The following ZFHX4 variants were observed in gnomAD, a reference collection of about 807,000 sequenced individuals.
ZFHX4 encodes zinc finger homeobox protein 4.
In ZFHX4, 56 loss-of-function variants were observed where a neutral mutation model predicts 267.6. The ratio of observed to expected loss-of-function variants is 0.21; its 90% CI spans 0.17 to 0.26. The LOEUF is 0.26. Among genes scored for constraint, ZFHX4 ranks in the 10% least tolerant of loss-of-function variants. The pLI, the probability that ZFHX4 is intolerant of heterozygous loss-of-function variation, is 1.00. For synonymous variants in ZFHX4, 1,778 were observed against 1,665.6 expected, an observed-to-expected ratio of 1.07 and a Z score of -1.64; for missense variants, 4,332 against 4,420.0, an observed-to-expected ratio of 0.98 and a Z score of 0.56.
chr8:76,850,838 A>C (rs1349678593), intron 9 of ZFHX4, 48 bp from the exon 10 acceptor site: 27 of 1,442,302 alleles, frequency 1.9e-5, no homozygotes, highest in Non-Finnish European at 2.3e-5. Context: ...ATATTTAAGG[A>C]GTAGGTTTTC....
intron 4 of ZFHX4, among the ~76,000 whole-genome samples, chr8:76,785,846 T>C (rs1055558309): frequency 6.6e-6 from 1 of 152,178 alleles, no homozygotes; most frequent in African/African-American, 2.4e-5. Context: ...TTGGCTTGAA[T>C]GTTCTCTACT....
At chr8:76,713,693 C>T (rs577883768) in intron 3 of ZFHX4, among the ~76,000 whole-genome samples, 3 of 152,198 alleles carry the variant, frequency 2.0e-5, no homozygotes, top group East Asian at 3.9e-4. Flanking sequence ...GGGAATGAAG[C>T]CTTTTTATAA....
chr8:76,839,857 A>T (rs1440335891), intron 5 of ZFHX4, among the ~76,000 whole-genome samples: 1 of 152,166 alleles, frequency 6.6e-6, no homozygotes, highest in Non-Finnish European at 1.5e-5. Flanking sequence ...TCCTTCCCTT[A>T]ACCCGAGTTC....
chr8:76,816,872 A>G (rs1585975334), intron 4 of ZFHX4, among the ~76,000 whole-genome samples: 2 of 152,280 alleles, frequency 1.3e-5, no homozygotes, highest in Middle Eastern at 6.8e-3. Flanking sequence ...CTGGGATTAC[A>G]GGTGTGAGCC....
chr8:76,711,458 A>G (rs1415878380), intron 3 of ZFHX4, among the ~76,000 whole-genome samples: 5 of 152,198 alleles, frequency 3.3e-5, no homozygotes, highest in Non-Finnish European at 4.4e-5. Flanking sequence ...GCTACAATCA[A>G]TCTTGCAAAG....
rs751193402 is a variant in ZFHX4, at chr8:76,854,328, G to A, written c.7407G>A (p.Pro2469=). Residue 2469 remains proline (P), a synonymous_variant, in exon 10 of 11, where the codon CCG becomes CCA. Coordinates refer to ENST00000651372, the MANE Select transcript of ZFHX4 (RefSeq NM_024721.5). Reference sequence around the variant, plus strand: ...GACCTCCCTCGGCCTCTCAAACACCGGTCCCTTCCAGTCCACTGCAAATTT... The same window carrying A: ...GACCTCCCTCGGCCTCTCAAACACCAGTCCCTTCCAGTCCACTGCAAATTT... ...IGRPPSASQT[P]VPSSPLQISM... is the part of the protein sequence containing the mutation. 34 of 1,613,432 alleles carry A rather than the reference G, an allele frequency of 2.1e-5. No individual in the cohort carries two copies. The Admixed American group carries it at 2.3e-4, about 11-fold the overall frequency.
At chr8:76,777,525 A>T (rs1810430060) in intron 3 of ZFHX4, among the ~76,000 whole-genome samples, 1 of 152,232 alleles carries the variant, frequency 6.6e-6, no homozygotes, top group African/African-American at 2.4e-5. Context: ...TTTTGTTTAT[A>T]GAAAATGTAA....
Position 76,853,226 on chromosome 8 carries a change from T to C in ZFHX4, c.6305T>C (p.Met2102Thr). Reference protein sequence around the residue: ...PPQLALQLPQMDALSADLTQL... With the variant: ...PPQLALQLPQTDALSADLTQL... ...CAGCTTGCCCTGCAGCTGCCACAGA[T>C]GGACGCACTCTCTGCAGACCTCACC... The change falls in exon 10 of 11, where the codon ATG (methionine) becomes ACG (threonine). Residue 2102 changes from methionine (M) to threonine (T), a missense_variant. By Grantham distance (81) the Met-to-Thr change is moderately conservative (BLOSUM62 -1). This residue lies in a region of ZFHX4 where 1,371 missense variants were observed against 1,423.1 expected (regional missense o/e 0.96). Transcript: ENST00000651372. 1 of 1,570,936 alleles carries C rather than the reference T, an allele frequency of 6.4e-7. No individual in the cohort carries two copies. Among genetic ancestry groups the C allele is most frequent in the South Asian group, 1.2e-5 (1 of 85,986 alleles).
Position 76,863,052 on chromosome 8 carries a change from T to A in ZFHX4, c.9380-42T>A, listed in dbSNP as rs535131185. On this transcript the variant is annotated intron_variant, in intron 10 of 10. Transcript: ENST00000651372. ...TAAGCATACAGCCTTCCGATGTTGGTCTGTACATTGACAGTGGCCATCTCT... is the reference window on the plus strand; with the variant it reads ...TAAGCATACAGCCTTCCGATGTTGGACTGTACATTGACAGTGGCCATCTCT... 12 of 1,464,712 alleles carry A rather than the reference T, an allele frequency of 8.2e-6. No homozygotes were observed. The African/African-American group carries it at 1.6e-4, about 19-fold the overall frequency. 90.7% of individuals were successfully genotyped at this position (1,464,712 alleles called of 1,614,324 possible).
At chr8:76,784,663 G>C (rs925450731) in intron 4 of ZFHX4, among the ~76,000 whole-genome samples, 5 of 152,044 alleles carry the variant, frequency 3.3e-5, no homozygotes, top group Non-Finnish European at 5.9e-5. Flanking sequence ...TAAAGTCTAT[G>C]ACATATTTAA....
intron 4 of ZFHX4, among the ~76,000 whole-genome samples, chr8:76,804,242 C>T (rs774520725): frequency 1.2e-4 from 18 of 151,766 alleles, no homozygotes; most frequent in Non-Finnish European, 2.4e-4. Context: ...GCTTTTCCAC[C>T]GTAGAGTTGA....
intron 4 of ZFHX4, among the ~76,000 whole-genome samples, chr8:76,831,427 A>G (rs1326095690): frequency 6.6e-6 from 1 of 152,152 alleles, no homozygotes; most frequent in Non-Finnish European, 1.5e-5. Flanking sequence ...TATTATCTGC[A>G]TTTGTGTTAT....
intron 10 of ZFHX4, among the ~76,000 whole-genome samples, chr8:76,861,835 G>A (rs1288201072): frequency 1.3e-5 from 2 of 151,078 alleles, no homozygotes; most frequent in African/African-American, 4.9e-5. Context: ...TAACAAGATG[G>A]CTCTATGAAG....
At chr8:76,752,102 G>T (rs76395743) in intron 3 of ZFHX4, among the ~76,000 whole-genome samples, 2,033 of 152,204 alleles carry the variant, frequency 0.013, 43 homozygotes, top group African/African-American at 0.046. Flanking sequence ...AGGAAAGGAT[G>T]TGCAAACTGA....
rs930010025 is a variant in ZFHX4, at chr8:76,731,808, C to T, written c.3093+23760C>T. On this transcript the variant is annotated intron_variant, in intron 3 of 10. Coordinates refer to ENST00000651372, the MANE Select transcript of ZFHX4 (RefSeq NM_024721.5). ...AATTTTAGCTAGCATCTTTATAATG[C>T]GATATGATAATTAATTTTTACTTTA... Among the ~76,000 whole-genome samples, 10 of 150,948 alleles carry T rather than the reference C, an allele frequency of 6.6e-5. No individual in the cohort carries two copies. The South Asian group carries it at 8.4e-4, about 13-fold the overall frequency.
intron 4 of ZFHX4, among the ~76,000 whole-genome samples, chr8:76,789,613 T>G (rs1171837491): frequency 6.6e-6 from 1 of 152,186 alleles, no homozygotes; most frequent in African/African-American, 2.4e-5. Flanking sequence ...ATTATCTAGT[T>G]TATTCATCTC....
intron 1 of ZFHX4, among the ~76,000 whole-genome samples, chr8:76,689,110 A>G (rs182590322): frequency 2.0e-5 from 3 of 152,274 alleles, no homozygotes; most frequent in East Asian, 1.9e-4. Context: ...AGAAACTTTT[A>G]TGGTTAACTT....
chr8:76,750,029 A>C (rs1563500034), intron 3 of ZFHX4, among the ~76,000 whole-genome samples: 1 of 152,162 alleles, frequency 6.6e-6, no homozygotes, highest in Non-Finnish European at 1.5e-5. Flanking sequence ...ATTTTTAAAA[A>C]ATAACCTTCT....
At chr8:76,779,974 G>A (rs1232013101) in intron 4 of ZFHX4, among the ~76,000 whole-genome samples, 2 of 151,944 alleles carry the variant, frequency 1.3e-5, no homozygotes, top group African/African-American at 2.4e-5. Context: ...GGCATATGAT[G>A]TGAACATAAT....
Sources: allele counts gnomAD v4.1 joint callset (sites outside exome capture counted in the v4.1 genomes callset), GRCh38; gene constraint gnomAD v4.1.1; regional missense constraint gnomAD v4.1.1; transcripts MANE v1.5; gene names NCBI Gene and HGNC (gene_info 2026-07-23, HGNC 2026-07-21).